KCND2: variants seen among roughly 807,000 people sequenced by gnomAD.
KCND2 encodes the protein potassium voltage-gated channel subfamily D member 2.
Under a neutral mutation model 54.4 loss-of-function variants are expected in KCND2, and 16 were observed. The ratio of observed to expected loss-of-function variants is 0.29; its 90% confidence interval spans 0.20 to 0.45. The LOEUF (loss-of-function observed/expected upper bound fraction) is 0.45, where lower values mean the gene tolerates loss of function less well. Among genes scored for constraint, KCND2 ranks in the 20% least tolerant of loss-of-function variants. The pLI, the probability that KCND2 is intolerant of heterozygous loss-of-function variation, is 1.00. For synonymous variants in KCND2, 317 were observed against 310.7 expected, an observed-to-expected ratio of 1.02 and a Z score of -0.21; for missense variants, 486 against 824.2, an observed-to-expected ratio of 0.59 and a Z score of 5.02.
intron 1 of KCND2, among the ~76,000 whole-genome samples, chr7:120,548,167 G>A (rs962228892): frequency 6.6e-6 from 1 of 152,082 alleles, no homozygotes; most frequent in Non-Finnish European, 1.5e-5. Flanking sequence ...CAGAACATGG[G>A]TTTATGTGGG....
At chr7:120,631,955 T>A (rs1793238958) in intron 1 of KCND2, among the ~76,000 whole-genome samples, 1 of 152,156 alleles carries the variant, frequency 6.6e-6, no homozygotes, top group Non-Finnish European at 1.5e-5. Flanking sequence ...ATGTTGTGGC[T>A]TCACAGTGAA....
chr7:120,364,040 T>C (rs756512326), intron 1 of KCND2, among the ~76,000 whole-genome samples: 6 of 152,178 alleles, frequency 3.9e-5, no homozygotes, highest in Non-Finnish European at 7.3e-5. Context: ...GTCTGTTTTG[T>C]TTACTGATGC....
At chr7:120,580,200 G>T (rs1322092325) in intron 1 of KCND2, among the ~76,000 whole-genome samples, 4 of 152,198 alleles carry the variant, frequency 2.6e-5, no homozygotes, top group Admixed American at 2.6e-4. Context: ...TTTCCAATGG[G>T]GGAAAATGTT....
At chr7:120,305,857 C>G (rs1799646193) in intron 1 of KCND2, among the ~76,000 whole-genome samples, 1 of 152,132 alleles carries the variant, frequency 6.6e-6, no homozygotes, top group African/African-American at 2.4e-5. Flanking sequence ...TCTCAACATG[C>G]TGATTTTGAA....
At chr7:120,354,639 T>C (rs544901494) in intron 1 of KCND2, among the ~76,000 whole-genome samples, 22 of 152,242 alleles carry the variant, frequency 1.4e-4, no homozygotes, top group African/African-American at 4.6e-4. Context: ...TCTTAACTAC[T>C]TGAGGGGGAG....
chr7:120,290,983 TC>T (rs1398827739), intron 1 of KCND2, among the ~76,000 whole-genome samples: 2 of 152,022 alleles, frequency 1.3e-5, no homozygotes, highest in African/African-American at 2.4e-5. Context: ...GGCACTCATA[TC>T]TTTTGAATAT....
At chr7:120,367,652 T>C (rs951063113) in intron 1 of KCND2, among the ~76,000 whole-genome samples, 1 of 151,592 alleles carries the variant, frequency 6.6e-6, no homozygotes, top group African/African-American at 2.4e-5. Context: ...TTTTTTTTTT[T>C]AATGAAGGAG....
intron 1 of KCND2, among the ~76,000 whole-genome samples, chr7:120,326,272 T>C (rs1290885748): frequency 1.3e-5 from 2 of 152,116 alleles, no homozygotes; most frequent in Non-Finnish European, 2.9e-5. Flanking sequence ...CAATGTAACC[T>C]TTTTAATACA....
rs1193454401 is a variant in KCND2 at position 120,567,694 on chromosome 7, A to C, written c.1116-165209A>C. Among the ~76,000 whole-genome samples, 5 of 152,160 alleles carry C rather than the reference A, an allele frequency of 3.3e-5. No homozygotes were observed. The East Asian group carries it at 9.6e-4, about 29-fold the overall frequency. On this transcript the variant is annotated intron_variant, in intron 1 of 5. Coordinates refer to ENST00000331113, the MANE Select transcript of KCND2 (RefSeq NM_012281.3). The stretch of plus-strand genomic sequence containing the variant: ...ATAATTGCTTCCTGACATGATAATT[A>C]TGCAGTATATTATTTTCATTAAGAT...
At chr7:120,682,950 C>T (rs1792158400) in intron 1 of KCND2, among the ~76,000 whole-genome samples, 1 of 152,120 alleles carries the variant, frequency 6.6e-6, no homozygotes, top group Non-Finnish European at 1.5e-5. Context: ...GTTCATAGAA[C>T]AACTTGCAAA....
chr7:120,667,766 C>A (rs1791946268), intron 1 of KCND2, among the ~76,000 whole-genome samples: 1 of 151,984 alleles, frequency 6.6e-6, no homozygotes, highest in Non-Finnish European at 1.5e-5. Flanking sequence ...AAACTTGTCT[C>A]TTTATTGAGC....
intron 1 of KCND2, among the ~76,000 whole-genome samples, chr7:120,380,084 T>A (rs1056620111): frequency 1.3e-5 from 2 of 152,068 alleles, no homozygotes; most frequent in Non-Finnish European, 2.9e-5. Context: ...AATATGAATT[T>A]ATAAGGAAAT....
At chr7:120,558,162 A>G (rs951288059) in intron 1 of KCND2, among the ~76,000 whole-genome samples, 5 of 152,164 alleles carry the variant, frequency 3.3e-5, no homozygotes, top group Non-Finnish European at 7.4e-5. Context: ...ATGTTTTCAT[A>G]TAGCTTGAAA....
chr7:120,281,479 C>T (rs545611752), intron 1 of KCND2, among the ~76,000 whole-genome samples: 4 of 151,112 alleles, frequency 2.6e-5, no homozygotes, highest in African/African-American at 9.7e-5. Flanking sequence ...CATATTTGCA[C>T]TGCTCTTTGA....
At chr7:120,571,925 G>C (rs1332153905) in intron 1 of KCND2, among the ~76,000 whole-genome samples, 1 of 152,142 alleles carries the variant, frequency 6.6e-6, no homozygotes, top group Non-Finnish European at 1.5e-5. Context: ...AACCTGATTA[G>C]AATGGTAAAA....
chr7:120,318,861 T>C (rs757418199), intron 1 of KCND2, among the ~76,000 whole-genome samples: 1 of 152,038 alleles, frequency 6.6e-6, no homozygotes, highest in Admixed American at 6.6e-5. Flanking sequence ...TAGAAACAAA[T>C]AGAACATCAT....
At chr7:120,496,883 G>C (rs1332971949) in intron 1 of KCND2, among the ~76,000 whole-genome samples, 2 of 152,138 alleles carry the variant, frequency 1.3e-5, no homozygotes, top group Non-Finnish European at 2.9e-5. Context: ...TGGAATTGCA[G>C]ATAATTTGTA....
intron 1 of KCND2, among the ~76,000 whole-genome samples, chr7:120,428,394 G>A (rs1398279863): frequency 6.6e-6 from 1 of 152,154 alleles, no homozygotes; most frequent in Non-Finnish European, 1.5e-5. Flanking sequence ...GTTAACTAAG[G>A]TGAAACCATA....
chr7:120,700,244 G>A (rs1390651837), intron 1 of KCND2, among the ~76,000 whole-genome samples: 1 of 152,194 alleles, frequency 6.6e-6, no homozygotes, highest in African/African-American at 2.4e-5. Flanking sequence ...CTGTTTAATG[G>A]CAATGTTTAG....
Sources: gnomAD v4.1 joint callset for allele counts (sites outside exome capture counted in the v4.1 genomes callset) on GRCh38, gnomAD v4.1.1 for gene constraint, MANE v1.5 for transcripts, NCBI Gene and HGNC (gene_info 2026-07-23, HGNC 2026-07-21) for gene names.